MACF1: variants seen among roughly 807,000 people sequenced by gnomAD.
MACF1 encodes microtubule actin crosslinking factor 1.
A neutral mutation model predicts 854.8 loss-of-function variants in MACF1; 193 were observed. The observed-to-expected ratio is 0.23, with a 90% CI of 0.20 to 0.25. The LOEUF (loss-of-function observed/expected upper bound fraction) is 0.25. MACF1 is among the 10% of genes least tolerant of loss of function. The pLI, the probability that MACF1 is intolerant of heterozygous loss-of-function variation, is 1.00. For synonymous variants in MACF1, 3,185 were observed against 3,226.7 expected (o/e 0.99, Z 0.44); for missense variants, 7,722 against 8,929.1 (o/e 0.86, Z 5.45).
At chr1:39,122,162 A>G (rs1229089686) in intron 2 of MACF1, among the ~76,000 whole-genome samples, 2 of 151,806 alleles carry the variant, frequency 1.3e-5, no homozygotes, top group African/African-American at 4.8e-5. Flanking sequence ...CACATTTCAG[A>G]CTTTCTTTTT....
intron 97 of MACF1, among the ~76,000 whole-genome samples, chr1:39,473,621 C>T (rs1644819497): frequency 6.6e-6 from 1 of 152,128 alleles, no homozygotes; most frequent in Non-Finnish European, 1.5e-5. Context: ...TTCTTCATCC[C>T]CGTGAAATAA....
At chr1:39,207,884 A>T (rs1335770554) in intron 1 of MACF1, among the ~76,000 whole-genome samples, 8 of 152,026 alleles carry the variant, frequency 5.3e-5, no homozygotes, top group African/African-American at 1.4e-4. Flanking sequence ...CTGTAATTCC[A>T]GCACTTTGGG....
chr1:39,434,116 G>A (rs1643922249), intron 68 of MACF1, among the ~76,000 whole-genome samples: 1 of 151,832 alleles, frequency 6.6e-6, no homozygotes, highest in South Asian at 2.1e-4. Context: ...TATATCTAAG[G>A]TTGTGTATCA....
chr1:39,142,926 A>C (rs1036454636), intron 2 of MACF1, among the ~76,000 whole-genome samples: 3 of 152,194 alleles, frequency 2.0e-5, no homozygotes, highest in Non-Finnish European at 1.5e-5. Context: ...GCTGGGTCTT[A>C]GCTCTCCTTC....
At chr1:39,173,552 T>G (rs1039733520) in intron 2 of MACF1, among the ~76,000 whole-genome samples, 1 of 152,194 alleles carries the variant, frequency 6.6e-6, no homozygotes, top group Admixed American at 6.5e-5. Context: ...TCTGTGTCTG[T>G]ATCTTCAGAT....
chr1:39,227,467 G>T (rs1174780260), intron 1 of MACF1, among the ~76,000 whole-genome samples: 2 of 151,654 alleles, frequency 1.3e-5, no homozygotes, highest in African/African-American at 4.9e-5. Context: ...CATATTAAAA[G>T]TTCAGAACAC....
chr1:39,093,380 A>G (rs892576837), intron 2 of MACF1, among the ~76,000 whole-genome samples: 5 of 132,270 alleles, frequency 3.8e-5, no homozygotes, highest in African/African-American at 1.5e-4. Context: ...CAATGGCTCA[A>G]TCTCTGCTCA....
At chr1:39,376,897 A>T (rs557732529) in intron 52 of MACF1, among the ~76,000 whole-genome samples, 2,483 of 149,362 alleles carry the variant, frequency 0.017, 72 homozygotes, top group African/African-American at 0.058. Flanking sequence ...TTTTTTTTTT[A>T]ATATTTTTTT....
intron 16 of MACF1, 84 bp from the exon 17 acceptor site, chr1:39,292,682 A>G: frequency 1.1e-6 from 1 of 948,116 alleles, no homozygotes. Context: ...CTATCTAGAC[A>G]TAATATTTGC....
intron 2 of MACF1, among the ~76,000 whole-genome samples, chr1:39,134,612 A>G (rs923336609): frequency 6.6e-6 from 1 of 152,218 alleles, no homozygotes; most frequent in Admixed American, 6.5e-5. Flanking sequence ...TGCTTTTCCT[A>G]ATTCCCCATT....
Position 39,334,976 on chromosome 1 carries a change from T to G in MACF1, c.8388T>G (p.Ala2796=), listed in dbSNP as rs200290927. 1.2e-5 allele frequency: 19 copies of G among 1,614,184 alleles called. No homozygotes were observed. In the South Asian group the frequency reaches 1.3e-4, roughly 11 times the overall value. The change falls in exon 37 of 101, where the codon GCT becomes GCG. Residue 2796 remains alanine, a synonymous_variant. Coordinates refer to ENST00000564288, the MANE Select transcript of MACF1 (RefSeq NM_001394062.1). ...TTCTAGGAAAGGATATGTTAATTGC[T>G]TGTAATCAGACTGCTGAAATGAGTT... ...NEFLGKDMLI[A]CNQTAEMSCN... is the part of the protein sequence containing the mutation.
chr1:39,356,120 G>A (rs1647541500), intron 44 of MACF1, among the ~76,000 whole-genome samples: 1 of 152,056 alleles, frequency 6.6e-6, no homozygotes, highest in Non-Finnish European at 1.5e-5. Context: ...TCTAGATTCA[G>A]GAAGAACATC....
chr1:39,448,472 C>A, intron 83 of MACF1, 122 bp from the exon 84 acceptor site: 2 of 785,304 alleles, frequency 2.5e-6, no homozygotes, highest in African/African-American at 1.7e-5. Flanking sequence ...AATTTTAGTT[C>A]AAAAAAAGTG....
At position 39,387,742 on chromosome 1, in the gene MACF1, A is replaced by C; in HGVS notation, c.14900A>C (p.Asp4967Ala). The change falls in exon 58 of 101, where the codon GAC (aspartate) becomes GCC (alanine). Residue 4967 changes from aspartate to alanine, a missense_variant. By Grantham distance (126) the Asp-to-Ala change is moderately radical (BLOSUM62 -2). Transcript: ENST00000564288. Reference protein sequence around the residue: ...SLLEILNSAADILINSSEADE... With the variant: ...SLLEILNSAAAILINSSEADE... ...CTGGAAATATTGAATAGTGCTGCTG[A>C]CATTCTGATCAATTCTTCAGAAGCA... The C allele has an allele frequency of 6.2e-7, 1 of 1,614,158 alleles. No individual in the cohort carries two copies. Among genetic ancestry groups the C allele is most frequent in the Non-Finnish European group, 8.5e-7 (1 of 1,180,026 alleles).
At chr1:39,476,297 G>A (rs559599490) in intron 97 of MACF1, among the ~76,000 whole-genome samples, 20 of 152,244 alleles carry the variant, frequency 1.3e-4, no homozygotes, top group Non-Finnish European at 2.2e-4. Context: ...TAGGCTGGGC[G>A]CGGTGGCTCA....
In MACF1 at chr1:39,387,673, G is replaced by A; in HGVS notation, c.14831G>A (p.Arg4944Lys). Residue 4944 changes from arginine to lysine, a missense_variant, in exon 58 of 101, where the codon AGA (arginine) becomes AAA (lysine). Arg to Lys is a conservative substitution (Grantham distance 26). This residue lies in a region of MACF1 where 2,807 missense variants were observed against 3,235.8 expected (regional missense o/e 0.87). Coordinates refer to ENST00000564288, the MANE Select transcript of MACF1 (RefSeq NM_001394062.1). Reference sequence around the variant, plus strand: ...GTGCAGCTAGAGTCCAGTCTCCTAAGATCAAAGGCTATGCTGAATGAGGTG... The same window carrying A: ...GTGCAGCTAGAGTCCAGTCTCCTAAAATCAAAGGCTATGCTGAATGAGGTG... ...DPVQLESSLL[R>K]SKAMLNEVEK... The A allele has an allele frequency of 6.2e-7, 1 of 1,614,194 alleles. No individual in the cohort carries two copies. Among genetic ancestry groups the A allele is most frequent in the Non-Finnish European group, 8.5e-7 (1 of 1,180,036 alleles).
At chr1:39,365,850 A>T (rs2148527368) in intron 49 of MACF1, among the ~76,000 whole-genome samples, 1 of 151,830 alleles carries the variant, frequency 6.6e-6, no homozygotes, top group East Asian at 1.9e-4. Context: ...TAATTTTTGT[A>T]TTTTTAGCAG....
At chr1:39,191,379 T>A (rs1208023782) in intron 2 of MACF1, among the ~76,000 whole-genome samples, 1 of 152,202 alleles carries the variant, frequency 6.6e-6, no homozygotes. Context: ...GGCAGCTGTT[T>A]CCAAAATGTT....
intron 1 of MACF1, among the ~76,000 whole-genome samples, chr1:39,207,258 TTTTC>T (rs151191283): frequency 0.053 from 7,950 of 150,662 alleles, 564 homozygotes; most frequent in African/African-American, 0.17. Context: ...ATAGTTGTTT[TTTTC>T]TTTCTTTCTT....
Sources: allele counts gnomAD v4.1 joint callset (sites outside exome capture counted in the v4.1 genomes callset), GRCh38; gene constraint gnomAD v4.1.1; regional missense constraint gnomAD v4.1.1; transcripts MANE v1.5; gene names NCBI Gene and HGNC (gene_info 2026-07-23, HGNC 2026-07-21).